Variants in R3HDM2 observed in about 807,000 individuals in gnomAD.
R3HDM2 encodes the protein R3H domain-containing protein 2.
Under a neutral mutation model 124.5 loss-of-function variants are expected in R3HDM2, and 38 were observed. The observed-to-expected ratio is 0.31, with a 90% CI of 0.24 to 0.40. R3HDM2 has a LOEUF of 0.40. Among genes scored for constraint, R3HDM2 ranks in the 10% least tolerant of loss-of-function variants. The pLI, the probability that R3HDM2 is intolerant of heterozygous loss-of-function variation, is 1.00. For missense variants in R3HDM2, 869 were observed against 1,236.9 expected (o/e 0.70, Z 4.46); for synonymous variants, 391 against 448.0 (o/e 0.87, Z 1.61).
chr12:57,422,001 G>A (rs544381659), intron 1 of R3HDM2, among the ~76,000 whole-genome samples: 1 of 150,812 alleles, frequency 6.6e-6, no homozygotes, highest in East Asian at 2.0e-4. Flanking sequence ...GATGAGGCAG[G>A]AGAATCGCTT....
At chr12:57,255,413 G>T (rs2038653331) in intron 23 of R3HDM2, among the ~76,000 whole-genome samples, 2 of 152,198 alleles carry the variant, frequency 1.3e-5, no homozygotes, top group South Asian at 2.1e-4. Context: ...CTCACAAGGT[G>T]CTACTGCTAT....
chr12:57,430,606 G>A (rs1869639429), intron 1 of R3HDM2, 114 bp downstream of exon 1: 4 of 984,362 alleles, frequency 4.1e-6, no homozygotes, highest in African/African-American at 1.8e-5. Flanking sequence ...ACCGGCTGCC[G>A]GGCGCGAGGA....
chr12:57,361,048 CAAAAAAAAAAA>C (rs35437591), intron 2 of R3HDM2, among the ~76,000 whole-genome samples: 4,865 of 60,288 alleles, frequency 0.081, 231 homozygotes, highest in East Asian at 0.34. Flanking sequence ...AGACACGTCT[CAAAAAAAAAAA>C]AAAAAAAAAA....
chr12:57,382,456 AG>A (rs1293106754), intron 2 of R3HDM2, among the ~76,000 whole-genome samples: 6 of 149,670 alleles, frequency 4.0e-5, no homozygotes. Flanking sequence ...CATGTTGGCC[AG>A]GCTGGTCTGA....
chr12:57,396,362 A>G (rs1451689885), intron 1 of R3HDM2, among the ~76,000 whole-genome samples: 2 of 151,796 alleles, frequency 1.3e-5, no homozygotes, highest in East Asian at 3.9e-4. Context: ...AATCACTTGA[A>G]CCCGGGAGAC....
At position 57,255,030 on chromosome 12, in the gene R3HDM2, T is replaced by C. The variant is rs148437990; in HGVS notation, c.2716A>G (p.Met906Val). ...AGCCACTGGATCTTGGCGCCAGACATGGCGAGCTGCGTGAAGAGTTTGTCC... is the reference window on the plus strand; with the variant it reads ...AGCCACTGGATCTTGGCGCCAGACACGGCGAGCTGCGTGAAGAGTTTGTCC... ...EADKLFTQLAMSGAKIQWLKD... is the reference protein window; with the variant it reads ...EADKLFTQLAVSGAKIQWLKD... The change falls in exon 24 of 24, where the codon ATG becomes GTG. Residue 906 changes from methionine (M) to valine (V), a missense_variant. Met to Val is a conservative substitution (Grantham distance 21). Coordinates refer to ENST00000402412, the MANE Select transcript of R3HDM2 (RefSeq NM_001394031.1). 102 of 1,544,134 alleles carry C rather than the reference T, an allele frequency of 6.6e-5. No individual in the cohort carries two copies. The highest frequency in any genetic ancestry group is 8.4e-5 in the Non-Finnish European group (96 of 1,137,006).
At chr12:57,393,128 G>A (rs1268825409) in intron 2 of R3HDM2, among the ~76,000 whole-genome samples, 1 of 147,822 alleles carries the variant, frequency 6.8e-6, no homozygotes, top group Non-Finnish European at 1.5e-5. Flanking sequence ...TCTTCAGAAG[G>A]AGTCTCGCTC....
chr12:57,313,418 G>T (rs1365786725), intron 2 of R3HDM2, among the ~76,000 whole-genome samples: 1 of 151,860 alleles, frequency 6.6e-6, no homozygotes, highest in Non-Finnish European at 1.5e-5. Flanking sequence ...TAAAAAATTA[G>T]CCAGACATGG....
At chr12:57,422,679 C>G (rs1338984502) in intron 1 of R3HDM2, among the ~76,000 whole-genome samples, 1 of 152,048 alleles carries the variant, frequency 6.6e-6, no homozygotes, top group African/African-American at 2.4e-5. Context: ...GGAAAATGAA[C>G]ATTTAAAGGA....
chr12:57,377,185 G>C (rs2064202965), intron 2 of R3HDM2, among the ~76,000 whole-genome samples: 1 of 150,300 alleles, frequency 6.7e-6, no homozygotes, highest in African/African-American at 2.4e-5. Flanking sequence ...CCCAGGGACT[G>C]AAGTTGTTAG....
intron 2 of R3HDM2, among the ~76,000 whole-genome samples, chr12:57,386,485 G>A (rs1033156156): frequency 2.0e-5 from 3 of 152,356 alleles, no homozygotes; most frequent in Non-Finnish European, 2.9e-5. Context: ...ACTTCTTGCC[G>A]GGCCTTAGCT....
chr12:57,270,129 C>T, intron 14 of R3HDM2, 135 bp from the exon 15 acceptor site: 2 of 1,083,048 alleles, frequency 1.8e-6, no homozygotes, highest in Non-Finnish European at 2.7e-6. Context: ...TACCTCTGTG[C>T]TGTGCTATGA....
intron 2 of R3HDM2, among the ~76,000 whole-genome samples, chr12:57,324,766 G>A (rs2057034848): frequency 6.6e-6 from 1 of 152,166 alleles, no homozygotes; most frequent in Non-Finnish European, 1.5e-5. Context: ...TGAGATATAA[G>A]AAGTAGTGTT....
At chr12:57,268,862 G>A (rs1014039836) in intron 17 of R3HDM2, 60 bp downstream of exon 17, 1 of 1,562,126 alleles carries the variant, frequency 6.4e-7, no homozygotes, top group Non-Finnish European at 8.7e-7. Context: ...ACCCTGGGAG[G>A]CTCTCCTTTT....
At chr12:57,261,276 T>C (rs2040749260) in intron 19 of R3HDM2, among the ~76,000 whole-genome samples, 2 of 152,238 alleles carry the variant, frequency 1.3e-5, no homozygotes, top group Admixed American at 1.3e-4. Flanking sequence ...TCTATTGTTT[T>C]TCTAGAAGGT....
chr12:57,365,273 A>AT (rs1566354116), intron 2 of R3HDM2, among the ~76,000 whole-genome samples: 69 of 149,522 alleles, frequency 4.6e-4, no homozygotes, highest in African/African-American at 1.4e-3. Context: ...CCAAAAAAAA[A>AT]GAAAAAAAAA....
At chr12:57,363,769 G>A (rs2062245367) in intron 2 of R3HDM2, among the ~76,000 whole-genome samples, 1 of 151,924 alleles carries the variant, frequency 6.6e-6, no homozygotes. Flanking sequence ...CTACTTAGGA[G>A]GCTGAGGTTG....
intron 2 of R3HDM2, among the ~76,000 whole-genome samples, chr12:57,384,299 A>G (rs1281950624): frequency 6.6e-6 from 1 of 151,650 alleles, no homozygotes; most frequent in Admixed American, 6.6e-5. Context: ...GCTTGCAGTG[A>G]GCCGAGATCA....
intron 2 of R3HDM2, among the ~76,000 whole-genome samples, chr12:57,359,768 T>G (rs2061664654): frequency 1.0e-5 from 1 of 98,648 alleles, no homozygotes. Context: ...TCTTTTAGAT[T>G]AATTAAGCAT....
Sources: allele counts gnomAD v4.1 joint callset (sites outside exome capture counted in the v4.1 genomes callset), GRCh38; gene constraint gnomAD v4.1.1; transcripts MANE v1.5; gene names NCBI Gene and HGNC (gene_info 2026-07-23, HGNC 2026-07-21).